The following MPDZ variants were observed in gnomAD, a reference collection of about 807,000 sequenced individuals.
MPDZ encodes multiple PDZ domain protein.
A neutral mutation model predicts 239.1 loss-of-function variants in MPDZ; 234 were observed. The observed-to-expected ratio is 0.98, with a 90% CI of 0.88 to 1.09. The LOEUF is 1.09. Among genes scored for constraint, MPDZ ranks in the 50% least tolerant of loss-of-function variants. The pLI, the probability that MPDZ is intolerant of heterozygous loss-of-function variation, is 0.00. For synonymous variants in MPDZ, 1,048 were observed against 881.3 expected (o/e 1.19, Z -3.35); for missense variants, 3,175 against 2,510.0 (o/e 1.26, Z -5.66).
chr9:13,132,285 C>T (rs1414456817), intron 32 of MPDZ, among the ~76,000 whole-genome samples: 1 of 152,164 alleles, frequency 6.6e-6, no homozygotes, highest in African/African-American at 2.4e-5. Flanking sequence ...ATATAGGCAG[C>T]ACCATTTACA....
At chr9:13,110,175 T>A in intron 44 of MPDZ, 111 bp from the exon 45 acceptor site, 1 of 742,442 alleles carries the variant, frequency 1.3e-6, no homozygotes. Context: ...ATTGTTCATT[T>A]AAACATTTCT....
At chr9:13,232,866 A>G (rs757359323) in intron 3 of MPDZ, among the ~76,000 whole-genome samples, 39 of 134,114 alleles carry the variant, frequency 2.9e-4, no homozygotes, top group South Asian at 1.4e-3. Context: ...AAATGGGTGG[A>G]AAAAAAAAAA....
chr9:13,117,120 T>C (rs546669763), intron 39 of MPDZ, among the ~76,000 whole-genome samples: 5 of 152,280 alleles, frequency 3.3e-5, no homozygotes, highest in Admixed American at 3.3e-4. Context: ...AATAGAACAA[T>C]TATAACAATG....
At chr9:13,160,126 C>T (rs1302514849) in intron 23 of MPDZ, among the ~76,000 whole-genome samples, 1 of 152,142 alleles carries the variant, frequency 6.6e-6, no homozygotes, top group Non-Finnish European at 1.5e-5. Flanking sequence ...AAAACCTGAG[C>T]TCTTAACTTT....
At chr9:13,136,316 A>T (rs1946735060) in intron 30 of MPDZ, 134 bp from the exon 31 acceptor site, 1 of 332,754 alleles carries the variant, frequency 3.0e-6, no homozygotes, top group African/African-American at 4.0e-5. Flanking sequence ...ACAAATTTAC[A>T]AACGTTTTCT....
chr9:13,261,240 T>C (rs1405290662), intron 1 of MPDZ, among the ~76,000 whole-genome samples: 1 of 152,156 alleles, frequency 6.6e-6, no homozygotes, highest in Non-Finnish European at 1.5e-5. Context: ...ACAGCCGACA[T>C]TAAGAGAGGC....
At chr9:13,164,147 TG>T (rs1266576360) in intron 22 of MPDZ, among the ~76,000 whole-genome samples, 1 of 152,208 alleles carries the variant, frequency 6.6e-6, no homozygotes, top group African/African-American at 2.4e-5. Context: ...ATGGGGCCTC[TG>T]GGAATCTCTT....
intron 19 of MPDZ, among the ~76,000 whole-genome samples, chr9:13,180,468 G>A (rs915894867): frequency 1.9e-4 from 29 of 152,108 alleles, no homozygotes; most frequent in Non-Finnish European, 1.5e-4. Flanking sequence ...GCAGGGTGTA[G>A]AGGTGTGAAT....
At chr9:13,161,012 T>C (rs115170504) in intron 23 of MPDZ, among the ~76,000 whole-genome samples, 1,803 of 151,380 alleles carry the variant, frequency 0.012, 41 homozygotes, top group African/African-American at 0.042. Context: ...CTGTGGATTT[T>C]GGTATCCATG....
chr9:13,177,681 G>T (rs898777747), intron 19 of MPDZ, among the ~76,000 whole-genome samples: 1 of 152,130 alleles, frequency 6.6e-6, no homozygotes, highest in Non-Finnish European at 1.5e-5. Flanking sequence ...TGTGAACCAG[G>T]ATGCCTGAGT....
At chr9:13,138,765 T>A (rs1405636803) in intron 28 of MPDZ, among the ~76,000 whole-genome samples, 1 of 152,288 alleles carries the variant, frequency 6.6e-6, no homozygotes, top group African/African-American at 2.4e-5. Context: ...GCACCCTCTT[T>A]AATCTAAGAG....
chr9:13,206,633 T>A (rs1416565665), intron 10 of MPDZ, among the ~76,000 whole-genome samples: 1 of 151,076 alleles, frequency 6.6e-6, no homozygotes, highest in African/African-American at 2.4e-5. Context: ...AACCTCCACC[T>A]CCCAGGTGCA....
At position 13,231,716 on chromosome 9, in the gene MPDZ, C is replaced by CAA. The variant is rs35545413; in HGVS notation, c.184-7135_184-7134dup. 2.6e-5 allele frequency among the ~76,000 whole-genome samples: 4 copies of CAA among 151,222 alleles called. No homozygotes were observed. The South Asian group carries it at 6.3e-4, about 24-fold the overall frequency. The stretch of plus-strand genomic sequence containing the variant: ...CTGAATTAACATCAATTTTTTGTGA[C>CAA]AAAAAAAGGCTGAATTGTTCTCTAC... On this transcript the variant is annotated intron_variant, in intron 3 of 46. Transcript: ENST00000319217.
intron 1 of MPDZ, among the ~76,000 whole-genome samples, chr9:13,251,023 G>A (rs1055739855): frequency 2.6e-5 from 4 of 151,096 alleles, no homozygotes; most frequent in African/African-American, 9.7e-5. Flanking sequence ...CAGCTACTCA[G>A]GATGCGGAGG....
chr9:13,173,089 G>C (rs1210106653), intron 21 of MPDZ, among the ~76,000 whole-genome samples: 2 of 152,184 alleles, frequency 1.3e-5, no homozygotes, highest in Non-Finnish European at 2.9e-5. Flanking sequence ...ACAGAAAAAT[G>C]AATGGTAGTT....
chr9:13,251,951 C>T (rs1047371233), intron 1 of MPDZ, among the ~76,000 whole-genome samples: 4 of 152,170 alleles, frequency 2.6e-5, no homozygotes, highest in Non-Finnish European at 5.9e-5. Context: ...GACCTATCAT[C>T]TCAACCTCAG....
intron 29 of MPDZ, among the ~76,000 whole-genome samples, chr9:13,137,637 T>C (rs943152494): frequency 6.4e-4 from 97 of 152,104 alleles, no homozygotes; most frequent in Non-Finnish European, 2.4e-4. Flanking sequence ...GAATGACTGG[T>C]CACTTGGCTT....
chr9:13,260,294 G>A (rs911072878), intron 1 of MPDZ, among the ~76,000 whole-genome samples: 3 of 152,084 alleles, frequency 2.0e-5, no homozygotes, highest in African/African-American at 7.2e-5. Context: ...AGAAGAAAAG[G>A]AAAATAAAGG....
Position 13,143,535 on chromosome 9 carries a change from G to T in MPDZ, c.3771C>A (p.Asn1257Lys), listed in dbSNP as rs1387556284. 6 of 1,613,048 alleles carry T rather than the reference G, an allele frequency of 3.7e-6. No homozygotes were observed. The highest frequency in any genetic ancestry group is 2.2e-5 in the South Asian group (2 of 91,074). ...RKSPLPSLLH[N>K]LYPKYNFSST... ...TGCTGAAGTTGTACTTAGGGTAAAG[G>T]TTGTGCAGCAAGGAAGGCAAAGGGG... The change falls in exon 27 of 47, where the codon AAC becomes AAA. Residue 1257 changes from asparagine (N) to lysine (K), a missense_variant. Physicochemically the swap from Asn to Lys is moderately conservative, Grantham distance 94. Coordinates refer to ENST00000319217, the MANE Select transcript of MPDZ (RefSeq NM_001378778.1).
Sources: allele counts gnomAD v4.1 joint callset (sites outside exome capture counted in the v4.1 genomes callset), GRCh38; gene constraint gnomAD v4.1.1; transcripts MANE v1.5; gene names NCBI Gene and HGNC (gene_info 2026-07-23, HGNC 2026-07-21).